The following PCDHGA6 variants were observed in gnomAD, a reference collection of about 807,000 sequenced individuals.
PCDHGA6 encodes protocadherin gamma subfamily A, 6, also known as protocadherin gamma-A6.
Under a neutral mutation model 60.6 loss-of-function variants are expected in PCDHGA6, and 41 were observed. The ratio of observed to expected loss-of-function variants is 0.68; its 90% CI spans 0.53 to 0.88. The LOEUF (loss-of-function observed/expected upper bound fraction) is 0.88, where lower values mean the gene tolerates loss of function less well. Ranked by LOEUF, PCDHGA6 falls within the 40% of genes least tolerant of loss-of-function variation. The pLI, the probability that PCDHGA6 is intolerant of heterozygous loss-of-function variation, is 0.00. For synonymous variants in PCDHGA6, 594 were observed against 524.4 expected (o/e 1.13, Z -1.81); for missense variants, 1,312 against 1,203.0 (o/e 1.09, Z -1.34).
At chr5:141,481,592 C>T (rs765060653) in intron 1 of PCDHGA6, among the ~76,000 whole-genome samples, 2 of 152,112 alleles carry the variant, frequency 1.3e-5, no homozygotes, top group East Asian at 1.9e-4. Context: ...CTGAGGCCAG[C>T]GGATCACCTG....
Position 141,486,617 on chromosome 5 carries a change from C to G in PCDHGA6, c.2425-8190C>G. ...GCTTTGCTCCCTTGCAGCCTCTGAC[C>G]CAGACTCTGGCTTGAATGCGCTTAT... On this transcript the variant is annotated intron_variant, in intron 1 of 3. Transcript: ENST00000517434. This position sits in a 1 kb window ranked among gnomAD's most constrained non-coding sequence, Gnocchi z 5.0. 1 of 1,613,602 alleles carries G rather than the reference C, an allele frequency of 6.2e-7. No homozygotes were observed. Among genetic ancestry groups the G allele is most frequent in the South Asian group, 1.1e-5 (1 of 91,086 alleles).
In PCDHGA6 at chr5:141,485,818, C is replaced by T; in HGVS notation, c.2425-8989C>T. 6 of 1,613,912 alleles carry T rather than the reference C, an allele frequency of 3.7e-6. No homozygotes were observed. The highest frequency in any genetic ancestry group is 5.1e-6 in the Non-Finnish European group (6 of 1,179,974). On this transcript the variant is annotated intron_variant, in intron 1 of 3. Transcript: ENST00000517434. This position sits in a 1 kb window ranked among gnomAD's most constrained non-coding sequence, Gnocchi z 5.7. ...ACTACCGCCTGGTGCTGACTGCTGTCGATGGAGGGAACCCGCCGAGATCTG... is the reference window on the plus strand; with the variant it reads ...ACTACCGCCTGGTGCTGACTGCTGTTGATGGAGGGAACCCGCCGAGATCTG...
At chr5:141,421,009 T>C (rs948913987) in intron 1 of PCDHGA6, 1 of 515,496 alleles carries the variant, frequency 1.9e-6, no homozygotes, top group East Asian at 3.2e-5. Flanking sequence ...AATCAGGGAA[T>C]GGGAAGCTGC....
intron 1 of PCDHGA6, among the ~76,000 whole-genome samples, chr5:141,450,166 T>TCCCACCACACC (rs1046248061): frequency 2.0e-5 from 3 of 151,062 alleles, no homozygotes; most frequent in African/African-American, 7.3e-5. Flanking sequence ...GCCACCACAC[T>TCCCACCACACC]CCCACCACAC....
chr5:141,494,400 C>A (rs2099754045), intron 1 of PCDHGA6, among the ~76,000 whole-genome samples: 1 of 152,158 alleles, frequency 6.6e-6, no homozygotes, highest in African/African-American at 2.4e-5. Flanking sequence ...TAAATTCATT[C>A]TAGGGCTGGT....
intron 2 of PCDHGA6, among the ~76,000 whole-genome samples, chr5:141,498,260 A>C (rs1044675509): frequency 6.6e-6 from 1 of 152,140 alleles, no homozygotes; most frequent in Non-Finnish European, 1.5e-5. Flanking sequence ...GCTGGTGTTG[A>C]GTTCTTCAGT....
At chr5:141,413,827 G>A (rs2154544774) in intron 1 of PCDHGA6, 1 of 1,613,200 alleles carries the variant, frequency 6.2e-7, no homozygotes. Context: ...GGTCCTCACC[G>A]CCTCCGACGG....
rs1039645331 is a variant in PCDHGA6, at chr5:141,420,373, T to C, written c.2424+43866T>C. ...TTTAAGATTCTAGATAACTTCTTCA[T>C]AGAGTTCGCAAAATATAGGTCAAAT... is the stretch of plus-strand genomic sequence containing the variant. On this transcript the variant is annotated intron_variant, in intron 1 of 3. Coordinates refer to ENST00000517434, the MANE Select transcript of PCDHGA6 (RefSeq NM_018919.3). 21 of 1,337,592 alleles carry C rather than the reference T, an allele frequency of 1.6e-5. No homozygotes were observed. In the African/African-American group the frequency reaches 2.4e-4, roughly 15 times the overall value. The allele number at this position is 1,337,592 out of a possible 1,614,324, so 82.9% of individuals were successfully genotyped here. A position where few individuals can be genotyped will look rare whatever the true frequency, so the allele number is the denominator to read the frequency against.
At position 141,485,386 on chromosome 5, in the gene PCDHGA6, C is replaced by A. The variant is rs1044608807; in HGVS notation, c.2425-9421C>A. The stretch of plus-strand genomic sequence containing the variant: ...GGCTGCAGGTCGCTGGAGAGGTGAA[C>A]CAAAGACACTTCCGTGTGGATTTGG... On this transcript the variant is annotated intron_variant, in intron 1 of 3. Coordinates refer to ENST00000517434, the MANE Select transcript of PCDHGA6 (RefSeq NM_018919.3). This position sits in a 1 kb window ranked among gnomAD's most constrained non-coding sequence, Gnocchi z 5.7. 1.2e-6 allele frequency: 2 copies of A among 1,614,104 alleles called. No homozygotes were observed. The highest frequency in any genetic ancestry group is 8.5e-7 in the Non-Finnish European group (1 of 1,180,002).
intron 1 of PCDHGA6, chr5:141,416,166 T>C (rs2096001393): frequency 6.5e-6 from 1 of 152,744 alleles, no homozygotes; most frequent in Admixed American, 6.5e-5. Flanking sequence ...CAGTTGAATA[T>C]ACTAAGTTTT....
rs779694385 is a variant in PCDHGA6 at position 141,374,945 on chromosome 5, A to C, written c.862A>C (p.Ile288Leu). The change falls in exon 1 of 4, where the codon ATC (isoleucine) becomes CTC (leucine). Residue 288 changes from isoleucine to leucine, a missense_variant. Ile to Leu is a conservative substitution (Grantham distance 5). Coordinates refer to ENST00000517434, the MANE Select transcript of PCDHGA6 (RefSeq NM_018919.3). Reference sequence around the variant, plus strand: ...TTCCTTTGTGAAGATTACAGAAAAGATCTCACAAATTTTCTGTTTGAATGT... The same window carrying C: ...TTCCTTTGTGAAGATTACAGAAAAGCTCTCACAAATTTTCTGTTTGAATGT... ...TYSFVKITEK[I>L]SQIFCLNVLT... 6.2e-7 allele frequency: 1 copy of C among 1,614,034 alleles called. No homozygotes were observed. The highest frequency in any genetic ancestry group is 1.7e-5 in the Admixed American group (1 of 60,030).
In PCDHGA6 at chr5:141,432,171, T is replaced by C. The variant is rs114326665; in HGVS notation, c.2424+55664T>C. On this transcript the variant is annotated intron_variant, in intron 1 of 3. Coordinates refer to ENST00000517434, the MANE Select transcript of PCDHGA6 (RefSeq NM_018919.3). This position sits in a 1 kb window ranked among gnomAD's most constrained non-coding sequence, Gnocchi z 6.0. ...GAGAACAATCCCAGAGGAGTTTCCC[T>C]CGTCTCTGTGACCGCCCACGACCCC... The C allele has an allele frequency of 4.4e-5, 71 of 1,614,046 alleles. No individual in the cohort carries two copies. In the African/African-American group the frequency reaches 8.5e-4, roughly 19 times the overall value.
intron 1 of PCDHGA6, 52 bp downstream of exon 1, chr5:141,376,559 C>A (rs758448085): frequency 2.3e-5 from 37 of 1,609,380 alleles, no homozygotes; most frequent in Admixed American, 6.7e-5. Flanking sequence ...TCCCGCAACC[C>A]AACTAATCAG....
At chr5:141,488,546 G>A (rs2099676755) in intron 1 of PCDHGA6, among the ~76,000 whole-genome samples, 1 of 152,188 alleles carries the variant, frequency 6.6e-6, no homozygotes, top group African/African-American at 2.4e-5. Context: ...TCCCATGTCA[G>A]CTGACATTGA....
At chr5:141,384,653 G>T in intron 1 of PCDHGA6, 1 of 1,614,222 alleles carries the variant, frequency 6.2e-7, no homozygotes, top group Non-Finnish European at 8.5e-7. Context: ...GCAGAGCCCG[G>T]CTACCTGGTG....
At chr5:141,394,297 C>A (rs375160983) in intron 1 of PCDHGA6, 1 of 1,613,990 alleles carries the variant, frequency 6.2e-7, no homozygotes, top group Non-Finnish European at 8.5e-7. Context: ...ACCGAGGACA[C>A]GCTGCAGGGG....
Position 141,375,055 on chromosome 5 carries a change from G to A in PCDHGA6, c.972G>A (p.Gly324=). The A allele has an allele frequency of 6.2e-7, 1 of 1,614,042 alleles. No homozygotes were observed. Among genetic ancestry groups the A allele is most frequent in the South Asian group, 1.1e-5 (1 of 91,084 alleles). The part of the protein sequence containing the change: ...FYELGVEARD[G]PGLRDRAKVL... The stretch of plus-strand genomic sequence containing the variant: ...AGCTGGGTGTTGAAGCCCGGGATGG[G>A]CCAGGTCTTCGAGACAGAGCGAAAG... Residue 324 remains glycine (G), a synonymous_variant, in exon 1 of 4, where the codon GGG becomes GGA. Transcript: ENST00000517434.
At chr5:141,423,563 C>G (rs745802952) in intron 1 of PCDHGA6, 3 of 1,613,550 alleles carry the variant, frequency 1.9e-6, no homozygotes, top group Admixed American at 1.7e-5. Flanking sequence ...TATGGGGACA[C>G]GCTCATCAGC....
intron 1 of PCDHGA6, among the ~76,000 whole-genome samples, chr5:141,456,765 C>A (rs1468235444): frequency 2.0e-5 from 3 of 151,852 alleles, no homozygotes; most frequent in Non-Finnish European, 2.9e-5. Context: ...GAGTTTGAGA[C>A]CAGCCTGGCC....
Sources: allele counts gnomAD v4.1 joint callset (sites outside exome capture counted in the v4.1 genomes callset), GRCh38; gene constraint gnomAD v4.1.1; non-coding constraint Gnocchi (gnomAD v3.1); transcripts MANE v1.5; gene names NCBI Gene and HGNC (gene_info 2026-07-23, HGNC 2026-07-21).